Variants in CSMD3 observed in about 807,000 individuals in gnomAD.
CSMD3 encodes CUB and sushi domain-containing protein 3.
CSMD3 carries 177 observed loss-of-function variants against 435.2 expected under a neutral mutation model. The observed-to-expected ratio is 0.41, with a 90% CI of 0.36 to 0.46. CSMD3 has a LOEUF of 0.46. Ranked by LOEUF, CSMD3 falls within the 20% of genes least tolerant of loss-of-function variation. The probability of loss-of-function intolerance (pLI) is 0.34; values close to 1 mark genes in which losing one functional copy is unlikely to be tolerated. For synonymous variants in CSMD3, 1,656 were observed against 1,520.5 expected (o/e 1.09, Z -2.07); for missense variants, 4,265 against 4,504.6 (o/e 0.95, Z 1.52).
intron 66 of CSMD3, 106 bp from the exon 67 acceptor site, chr8:112,237,454 A>C: frequency 2.5e-6 from 2 of 800,100 alleles, no homozygotes; most frequent in Non-Finnish European, 4.2e-6. Context: ...GCTAATACAC[A>C]ATAATGTTGA....
At chr8:112,897,690 CTCTCTGTGTG>C (rs202091773) in intron 10 of CSMD3, among the ~76,000 whole-genome samples, 53,316 of 122,846 alleles carry the variant, frequency 0.43, 10,539 homozygotes, top group East Asian at 0.73. Context: ...CTCTCTCTCT[CTCTCTGTGTG>C]TGTGTGTGTG....
In CSMD3 at chr8:113,156,934, A is replaced by AAGAGAGAGAG. The variant is rs58581247; in HGVS notation, c.709+16778_709+16787dup. Among the ~76,000 whole-genome samples, 60 of 147,862 alleles carry AAGAGAGAGAG rather than the reference A, an allele frequency of 4.1e-4. No homozygotes were observed. In the East Asian group the frequency reaches 1.0e-2, roughly 25 times the overall value. Reference sequence around the variant, plus strand: ...GTGACAGAAAGAGATTTTGTCTCAAAAGAGAGAGAGAGAGAGAGAGAGACA... The same window carrying AAGAGAGAGAG: ...GTGACAGAAAGAGATTTTGTCTCAAAAGAGAGAGAGAGAGAGAGAGAGAGAGAGAGAGACA... On this transcript the variant is annotated intron_variant, in intron 4 of 70. Coordinates refer to ENST00000297405, the MANE Select transcript of CSMD3 (RefSeq NM_198123.2).
chr8:113,051,115 A>AT (rs1249467954), intron 5 of CSMD3, among the ~76,000 whole-genome samples: 1 of 152,160 alleles, frequency 6.6e-6, no homozygotes, highest in African/African-American at 2.4e-5. Flanking sequence ...TTTCCACAAT[A>AT]TACTGAAAAT....
At chr8:112,802,451 GT>G (rs1410456811) in intron 12 of CSMD3, among the ~76,000 whole-genome samples, 1 of 151,732 alleles carries the variant, frequency 6.6e-6, no homozygotes, top group East Asian at 1.9e-4. Flanking sequence ...TTTATTTTTT[GT>G]TTTGATGAAG....
At chr8:112,951,667 G>T (rs1250055451) in intron 8 of CSMD3, among the ~76,000 whole-genome samples, 1 of 151,592 alleles carries the variant, frequency 6.6e-6, no homozygotes, top group East Asian at 1.9e-4. Context: ...AATCCTTAAG[G>T]GTTGAAAATA....
intron 6 of CSMD3, among the ~76,000 whole-genome samples, chr8:113,013,228 C>T (rs907292613): frequency 1.3e-4 from 19 of 151,978 alleles, no homozygotes; most frequent in African/African-American, 4.1e-4. Context: ...GTGTTTTTCC[C>T]TTGAGAAACG....
chr8:112,870,383 C>T (rs960350986), intron 10 of CSMD3, among the ~76,000 whole-genome samples: 5 of 151,746 alleles, frequency 3.3e-5, no homozygotes, highest in Non-Finnish European at 5.9e-5. Flanking sequence ...ATTTTCCTGC[C>T]TCAGCCTCCC....
intron 38 of CSMD3, among the ~76,000 whole-genome samples, chr8:112,370,983 C>T (rs1828339406): frequency 6.6e-6 from 1 of 152,122 alleles, no homozygotes; most frequent in Admixed American, 6.6e-5. Context: ...GAAGAGACCA[C>T]TTCTGGGCTG....
At chr8:112,720,028 G>A (rs547583794) in intron 13 of CSMD3, among the ~76,000 whole-genome samples, 2 of 152,222 alleles carry the variant, frequency 1.3e-5, no homozygotes, top group South Asian at 2.1e-4. Flanking sequence ...GAAGACAAGC[G>A]TGGTCATCGG....
At chr8:113,059,299 C>T (rs542897517) in intron 5 of CSMD3, among the ~76,000 whole-genome samples, 1 of 152,080 alleles carries the variant, frequency 6.6e-6, no homozygotes, top group African/African-American at 2.4e-5. Context: ...ACTAATCTAG[C>T]ACCTGGAAAA....
intron 3 of CSMD3, among the ~76,000 whole-genome samples, chr8:113,271,362 A>T (rs1411196432): frequency 1.3e-5 from 2 of 152,078 alleles, no homozygotes; most frequent in African/African-American, 2.4e-5. Flanking sequence ...CTAGGAGAAA[A>T]AAACGGTTTC....
At chr8:113,025,362 T>G (rs2086838365) in intron 5 of CSMD3, among the ~76,000 whole-genome samples, 1 of 152,176 alleles carries the variant, frequency 6.6e-6, no homozygotes, top group Non-Finnish European at 1.5e-5. Flanking sequence ...ATGTGCAGTT[T>G]CTTCAGCTGT....
intron 3 of CSMD3, among the ~76,000 whole-genome samples, chr8:113,195,417 A>G (rs571517787): frequency 6.6e-6 from 1 of 150,924 alleles, no homozygotes; most frequent in Admixed American, 6.6e-5. Context: ...GGCTAGGAAA[A>G]ATAATCATCT....
intron 13 of CSMD3, among the ~76,000 whole-genome samples, chr8:112,711,421 A>C (rs548673885): frequency 3.3e-5 from 5 of 152,294 alleles, no homozygotes; most frequent in Admixed American, 3.3e-4. Context: ...GGAAGAGTTG[A>C]ACTAGTTCAA....
intron 3 of CSMD3, among the ~76,000 whole-genome samples, chr8:113,274,130 T>C (rs186876546): frequency 3.4e-4 from 52 of 152,108 alleles, no homozygotes; most frequent in Admixed American, 1.7e-3. Context: ...AAATCATAAT[T>C]TCAATATAAA....
At chr8:112,673,949 T>C (rs532518694) in intron 16 of CSMD3, among the ~76,000 whole-genome samples, 7 of 152,174 alleles carry the variant, frequency 4.6e-5, no homozygotes, top group Admixed American at 2.0e-4. Flanking sequence ...TTTTTTTTTT[T>C]CTAATTACTG....
chr8:112,427,396 G>A (rs1277725686), intron 32 of CSMD3, among the ~76,000 whole-genome samples: 5 of 151,984 alleles, frequency 3.3e-5, no homozygotes, highest in African/African-American at 9.7e-5. Flanking sequence ...GAGTTCTCAC[G>A]AGATCTGATG....
intron 1 of CSMD3, among the ~76,000 whole-genome samples, chr8:113,433,446 C>G (rs1247114351): frequency 6.6e-6 from 1 of 152,172 alleles, no homozygotes; most frequent in African/African-American, 2.4e-5. Context: ...CATAAGACAC[C>G]CGCGCCCCTC....
intron 1 of CSMD3, among the ~76,000 whole-genome samples, chr8:113,419,055 T>C (rs1203383276): frequency 6.6e-6 from 1 of 152,084 alleles, no homozygotes; most frequent in African/African-American, 2.4e-5. Context: ...TTTATGTATA[T>C]TAATACATAA....
Sources: gnomAD v4.1 joint callset for allele counts (sites outside exome capture counted in the v4.1 genomes callset) on GRCh38, gnomAD v4.1.1 for gene constraint, MANE v1.5 for transcripts, NCBI Gene and HGNC (gene_info 2026-07-23, HGNC 2026-07-21) for gene names.